Variants in ANKRD17 observed in about 807,000 individuals in gnomAD.
ANKRD17 encodes the protein ankyrin repeat domain 17.
Under a neutral mutation model 229.7 loss-of-function variants are expected in ANKRD17, and 19 were observed. The observed-to-expected ratio is 0.08, with a 90% CI of 0.06 to 0.12. The LOEUF (loss-of-function observed/expected upper bound fraction) is 0.12. Ranked by LOEUF, ANKRD17 falls within the 10% of genes least tolerant of loss-of-function variation. The pLI is 1.00. For missense variants in ANKRD17, 2,176 were observed against 3,176.8 expected, an observed-to-expected ratio of 0.68 and a Z score of 7.57; for synonymous variants, 1,112 against 1,146.1, an observed-to-expected ratio of 0.97 and a Z score of 0.60.
At chr4:73,206,450 GAGAGAT>G (rs1240036410) in intron 1 of ANKRD17, among the ~76,000 whole-genome samples, 4 of 147,918 alleles carry the variant, frequency 2.7e-5, no homozygotes, top group Non-Finnish European at 4.5e-5. Context: ...GAGAGAGAGA[GAGAGAT>G]AAAGAGAAAG....
At chr4:73,245,170 G>C (rs1366529315) in intron 1 of ANKRD17, among the ~76,000 whole-genome samples, 1 of 152,132 alleles carries the variant, frequency 6.6e-6, no homozygotes, top group Non-Finnish European at 1.5e-5. Flanking sequence ...TCTCTGTCAG[G>C]TAGTAGCAAA....
At chr4:73,141,916 T>A in intron 13 of ANKRD17, 73 bp from the exon 14 acceptor site, 1 of 1,139,092 alleles carries the variant, frequency 8.8e-7, no homozygotes, top group Non-Finnish European at 1.2e-6. Flanking sequence ...AAATAAAGAA[T>A]AAATTAGAGA....
chr4:73,122,677 A>G (rs1726903775), intron 18 of ANKRD17, among the ~76,000 whole-genome samples: 1 of 152,146 alleles, frequency 6.6e-6, no homozygotes, highest in Non-Finnish European at 1.5e-5. Flanking sequence ...ACTGGCAAAT[A>G]ATAAATGTTA....
intron 1 of ANKRD17, among the ~76,000 whole-genome samples, chr4:73,190,163 G>A (rs555038827): frequency 6.6e-6 from 1 of 152,284 alleles, no homozygotes; most frequent in Non-Finnish European, 1.5e-5. Flanking sequence ...GAGGTCAGGA[G>A]TTCGAGACCA....
chr4:73,153,786 TTG>T (rs1390842215), intron 6 of ANKRD17, 92 bp downstream of exon 6: 3 of 892,688 alleles, frequency 3.4e-6, no homozygotes, highest in Non-Finnish European at 4.8e-6. Context: ...TATACTATCA[TTG>T]TTTTATTTTT....
intron 27 of ANKRD17, among the ~76,000 whole-genome samples, chr4:73,095,437 C>T (rs992491517): frequency 1.3e-5 from 2 of 150,126 alleles, no homozygotes; most frequent in Non-Finnish European, 3.0e-5. Context: ...CTCATCTCTA[C>T]TAAAAATACA....
At chr4:73,242,531 T>A (rs1333960794) in intron 1 of ANKRD17, among the ~76,000 whole-genome samples, 1 of 152,176 alleles carries the variant, frequency 6.6e-6, no homozygotes, top group Non-Finnish European at 1.5e-5. Flanking sequence ...TATATTTCTC[T>A]CCAAAATTAA....
At chr4:73,245,298 C>G (rs1744397787) in intron 1 of ANKRD17, among the ~76,000 whole-genome samples, 1 of 152,188 alleles carries the variant, frequency 6.6e-6, no homozygotes, top group Non-Finnish European at 1.5e-5. Flanking sequence ...AAATGCTAAT[C>G]TAGGTACTGC....
rs767652779 is a variant in ANKRD17, at chr4:73,092,096, T to G, written c.5532A>C (p.Ser1844=). 1.9e-6 allele frequency: 3 copies of G among 1,614,232 alleles called. No individual in the cohort carries two copies. The highest frequency in any genetic ancestry group is 1.7e-6 in the Non-Finnish European group (2 of 1,180,046). The change falls in exon 29 of 34, where the codon TCA becomes TCC. Residue 1844 remains serine, a synonymous_variant. Transcript: ENST00000358602. ...TGAGTGCTGTGGCAGTTTGAGATGT[T>G]GATGACAGAGCTACAGTTGTCATTT... ...GIKMTTVALS[S]TSQTATALTV...
intron 24 of ANKRD17, among the ~76,000 whole-genome samples, chr4:73,111,443 T>C (rs774770067): frequency 1.3e-5 from 2 of 152,188 alleles, no homozygotes; most frequent in Non-Finnish European, 2.9e-5. Flanking sequence ...TTCATCACAC[T>C]ACTCAGAACG....
chr4:73,182,051 C>CAAAAAAAAA (rs143812968), intron 1 of ANKRD17, among the ~76,000 whole-genome samples: 4 of 43,258 alleles, frequency 9.2e-5, no homozygotes, highest in African/African-American at 1.1e-4. Context: ...CCGTCCCCAC[C>CAAAAAAAAA]AAAAAAAAAA....
intron 1 of ANKRD17, among the ~76,000 whole-genome samples, chr4:73,177,889 T>G (rs1158462207): frequency 6.6e-6 from 1 of 152,190 alleles, no homozygotes; most frequent in East Asian, 1.9e-4. Context: ...CAGCAGTTTT[T>G]AAATGTTTTG....
intron 1 of ANKRD17, among the ~76,000 whole-genome samples, chr4:73,219,473 C>A (rs1741572960): frequency 6.6e-6 from 1 of 152,204 alleles, no homozygotes; most frequent in South Asian, 2.1e-4. Context: ...AGTCCACAAT[C>A]TTGGCAATCA....
chr4:73,147,165 T>C lies in ANKRD17; in HGVS notation c.1759+76A>G. 2.2e-6 allele frequency: 3 copies of C among 1,345,564 alleles called. No individual in the cohort carries two copies. In the Admixed American group the frequency reaches 7.4e-5, roughly 33 times the overall value. 83.4% of individuals were successfully genotyped at this position (1,345,564 alleles called of 1,614,324 possible). A position where few individuals can be genotyped will look rare whatever the true frequency, so the allele number is the denominator to read the frequency against. ...ACACATTCAGTGTATCATAGCATCA[T>C]AAAAATATTTGCATTATGACATTTT... On this transcript the variant is annotated intron_variant, in intron 9 of 33. Coordinates refer to ENST00000358602, the MANE Select transcript of ANKRD17 (RefSeq NM_032217.5).
At chr4:73,199,814 A>T (rs990199900) in intron 1 of ANKRD17, among the ~76,000 whole-genome samples, 9 of 152,204 alleles carry the variant, frequency 5.9e-5, no homozygotes, top group African/African-American at 2.2e-4. Flanking sequence ...AGTGCAGGAC[A>T]CCTAGAGGGC....
intron 1 of ANKRD17, among the ~76,000 whole-genome samples, chr4:73,185,387 T>C (rs762893370): frequency 1.3e-4 from 20 of 151,900 alleles, no homozygotes; most frequent in Non-Finnish European, 2.4e-4. Flanking sequence ...ACCAGTAATC[T>C]ACATTTCAGA....
chr4:73,139,709 C>T lies in ANKRD17; in HGVS notation c.2907G>A (p.Leu969=), dbSNP rs1205227793. The change falls in exon 15 of 34, where the codon TTG becomes TTA. Residue 969 remains leucine (L), a synonymous_variant. Transcript: ENST00000358602. ...TAAGATTTGCGATGGACCCTGGAGG[C>T]AAGGGACCTGCCGCCAGAGGCAAAG... ...PQALPLAAGP[L]PPGSIANLTE... 1.2e-6 allele frequency: 2 copies of T among 1,614,160 alleles called. No individual in the cohort carries two copies. Among genetic ancestry groups the T allele is most frequent in the African/African-American group, 2.7e-5 (2 of 75,042 alleles).
chr4:73,109,644 TA>T (rs1335177307), intron 24 of ANKRD17, among the ~76,000 whole-genome samples: 1 of 152,152 alleles, frequency 6.6e-6, no homozygotes, highest in Non-Finnish European at 1.5e-5. Flanking sequence ...TGCAGCATTT[TA>T]ACTACTGGTC....
chr4:73,247,565 C>CA (rs1744611003), intron 1 of ANKRD17, among the ~76,000 whole-genome samples: 1 of 152,000 alleles, frequency 6.6e-6, no homozygotes. Flanking sequence ...CTAACACACA[C>CA]ACACACGCAC....
Sources: allele counts gnomAD v4.1 joint callset (sites outside exome capture counted in the v4.1 genomes callset), GRCh38; gene constraint gnomAD v4.1.1; transcripts MANE v1.5; gene names NCBI Gene and HGNC (gene_info 2026-07-23, HGNC 2026-07-21).